Variants in AGPAT3 observed in about 807,000 individuals in gnomAD.
AGPAT3 encodes the protein 1-acyl-sn-glycerol-3-phosphate acyltransferase gamma.
AGPAT3 carries 5 observed loss-of-function variants against 47.3 expected under a neutral mutation model. The observed-to-expected ratio is 0.11, with a 90% CI of 0.06 to 0.22. AGPAT3 has a LOEUF of 0.22. Among genes scored for constraint, AGPAT3 ranks in the 10% least tolerant of loss-of-function variants. The pLI is 1.00. For synonymous variants in AGPAT3, 212 were observed against 208.3 expected (o/e 1.02, Z -0.15); for missense variants, 315 against 493.0 (o/e 0.64, Z 3.42).
chr21:43,969,800 C>T (rs1427128980), intron 5 of AGPAT3, among the ~76,000 whole-genome samples: 1 of 152,062 alleles, frequency 6.6e-6, no homozygotes, highest in Non-Finnish European at 1.5e-5. Flanking sequence ...CAGATTTAAG[C>T]GATTCTCCTG....
chr21:43,891,541 G>A (rs2086102590), intron 1 of AGPAT3, among the ~76,000 whole-genome samples: 1 of 152,016 alleles, frequency 6.6e-6, no homozygotes, highest in African/African-American at 2.4e-5. Flanking sequence ...GCTGAGGAAG[G>A]AGAATGGCGT....
intron 3 of AGPAT3, chr21:43,966,744 A>G (rs1388903784): frequency 6.6e-6 from 1 of 152,084 alleles, no homozygotes; most frequent in Non-Finnish European, 1.5e-5. Flanking sequence ...ACTGGTATAA[A>G]AGAACCCCGG....
rs557115218 is a variant in AGPAT3, at chr21:43,954,262, C to A, written c.-48-5372C>A. On this transcript the variant is annotated intron_variant, in intron 2 of 9. Transcript: ENST00000291572. The surrounding 1 kb of genome is among the most constrained non-coding windows in gnomAD (Gnocchi z 4.0). ...GGAGGGAGGTGGCCTCTGCCTGCTGCCATTGGAGGTTTGTGCAGTCAGGTT... is the reference window on the plus strand; with the variant it reads ...GGAGGGAGGTGGCCTCTGCCTGCTGACATTGGAGGTTTGTGCAGTCAGGTT... Among the ~76,000 whole-genome samples the A allele has an allele frequency of 3.7e-4, 56 of 152,294 alleles. No homozygotes were observed. Among genetic ancestry groups the A allele is most frequent in the African/African-American group, 1.3e-3 (54 of 41,566 alleles).
chr21:43,876,346 C>G (rs1407862586), intron 1 of AGPAT3, among the ~76,000 whole-genome samples: 2 of 152,188 alleles, frequency 1.3e-5, no homozygotes, highest in East Asian at 3.8e-4. Context: ...ACCTCTTGCT[C>G]CCTGATCCTT....
intron 2 of AGPAT3, among the ~76,000 whole-genome samples, chr21:43,950,142 A>G (rs1467243395): frequency 6.6e-6 from 1 of 152,178 alleles, no homozygotes; most frequent in African/African-American, 2.4e-5. Context: ...GCAAGAGATA[A>G]ACTCTGTGAT....
In AGPAT3 at chr21:43,930,056, C is replaced by T. The variant is rs186892282; in HGVS notation, c.-49+26037C>T. On this transcript the variant is annotated intron_variant, in intron 2 of 9. Transcript: ENST00000291572. This position sits in a 1 kb window ranked among gnomAD's most constrained non-coding sequence, Gnocchi z 5.0. Reference sequence around the variant, plus strand: ...TGGAACCCAGGGTGCCTTGTCCTGGCACTTCTGTGTACATCATCCAGCCCC... The same window carrying T: ...TGGAACCCAGGGTGCCTTGTCCTGGTACTTCTGTGTACATCATCCAGCCCC... Among the ~76,000 whole-genome samples the T allele has an allele frequency of 6.6e-6, 1 of 152,350 alleles. No individual in the cohort carries two copies. The highest frequency in any genetic ancestry group is 1.5e-5 in the Non-Finnish European group (1 of 68,036).
chr21:43,961,763 CAT>C (rs2088875583), intron 3 of AGPAT3, among the ~76,000 whole-genome samples: 1 of 152,034 alleles, frequency 6.6e-6, no homozygotes, highest in Non-Finnish European at 1.5e-5. Context: ...CACTTTGTCT[CAT>C]GTAGGAAATG....
intron 1 of AGPAT3, among the ~76,000 whole-genome samples, chr21:43,897,655 C>T (rs1204910553): frequency 2.0e-5 from 3 of 151,348 alleles, no homozygotes; most frequent in Non-Finnish European, 3.0e-5. Context: ...CCTCACATCC[C>T]AGACGGGGCG....
intron 1 of AGPAT3, among the ~76,000 whole-genome samples, chr21:43,894,444 AT>A (rs1272383307): frequency 6.6e-6 from 1 of 151,442 alleles, no homozygotes; most frequent in Non-Finnish European, 1.5e-5. Flanking sequence ...CACCCACTAT[AT>A]GACTCACCCA....
At chr21:43,903,422 G>A (rs2086402762) in intron 1 of AGPAT3, among the ~76,000 whole-genome samples, 1 of 152,220 alleles carries the variant, frequency 6.6e-6, no homozygotes, top group Non-Finnish European at 1.5e-5. Flanking sequence ...TCACCACAAT[G>A]TAACACAAAT....
rs1370288698 is a variant in AGPAT3 at position 43,981,580 on chromosome 21, C to A, written c.1042+393C>A. 6.6e-6 allele frequency among the ~76,000 whole-genome samples: 1 copy of A among 152,096 alleles called. No homozygotes were observed. Among genetic ancestry groups the A allele is most frequent in the Non-Finnish European group, 1.5e-5 (1 of 68,006 alleles). ...CATCATTCAGCTCCTCCCCATTGACCCCCAGTGACTTCCCCACTGTGTGCC... is the reference window on the plus strand; with the variant it reads ...CATCATTCAGCTCCTCCCCATTGACACCCAGTGACTTCCCCACTGTGTGCC... On this transcript the variant is annotated intron_variant, in intron 9 of 9. Transcript: ENST00000291572. The surrounding 1 kb of genome is among the most constrained non-coding windows in gnomAD (Gnocchi z 5.3).
In AGPAT3 at chr21:43,923,506, C is replaced by T. The variant is rs146318436; in HGVS notation, c.-49+19487C>T. 3.1e-3 allele frequency among the ~76,000 whole-genome samples: 472 copies of T among 152,320 alleles called. 3 individuals carry two copies. Among genetic ancestry groups the T allele is most frequent in the African/African-American group, 0.011 (449 of 41,566 alleles). On this transcript the variant is annotated intron_variant, in intron 2 of 9. Transcript: ENST00000291572. ...CCTCCAATTCCATTGAGTTCTGACGCGTCAGATCCCCCAGGGCCAGGGCCC... is the reference window on the plus strand; with the variant it reads ...CCTCCAATTCCATTGAGTTCTGACGTGTCAGATCCCCCAGGGCCAGGGCCC...
chr21:43,931,582 C>T (rs1049354117), intron 2 of AGPAT3, among the ~76,000 whole-genome samples: 7 of 152,064 alleles, frequency 4.6e-5, no homozygotes, highest in Admixed American at 2.0e-4. Flanking sequence ...AGGTAAAAAC[C>T]GAAGAGCGAC....
chr21:43,899,587 AG>A (rs991021279), intron 1 of AGPAT3, among the ~76,000 whole-genome samples: 25 of 152,192 alleles, frequency 1.6e-4, no homozygotes, highest in African/African-American at 5.3e-4. Context: ...GACAGGGAGG[AG>A]GGAGCCCTGC....
intron 2 of AGPAT3, among the ~76,000 whole-genome samples, chr21:43,935,025 C>T (rs969372701): frequency 5.9e-5 from 9 of 151,744 alleles, no homozygotes; most frequent in African/African-American, 9.7e-5. Flanking sequence ...ACCCATGTGC[C>T]GTCCACCACC....
chr21:43,910,053 A>T (rs1322401866), intron 2 of AGPAT3, among the ~76,000 whole-genome samples: 1 of 152,180 alleles, frequency 6.6e-6, no homozygotes, highest in Non-Finnish European at 1.5e-5. Context: ...TTTCCGGGTT[A>T]AAACCCACAG....
rs541524604 is a variant in AGPAT3 at position 43,931,423 on chromosome 21, C to G, written c.-49+27404C>G. 2.7e-4 allele frequency among the ~76,000 whole-genome samples: 41 copies of G among 152,342 alleles called. 1 individual carries two copies. In the South Asian group the frequency reaches 7.2e-3, roughly 27 times the overall value. On this transcript the variant is annotated intron_variant, in intron 2 of 9. Transcript: ENST00000291572. ...GCCTCCAGGAAATTGAATCAACATA[C>G]TCGGTTCTTCTCTTTTAATATTTTT...
rs563820223 is a variant in AGPAT3 at position 43,908,582 on chromosome 21, C to T, written c.-49+4563C>T. 5.3e-5 allele frequency among the ~76,000 whole-genome samples: 8 copies of T among 152,198 alleles called. No individual in the cohort carries two copies. The highest frequency in any genetic ancestry group is 4.1e-4 in the South Asian group (2 of 4,820). On this transcript the variant is annotated intron_variant, in intron 2 of 9. Coordinates refer to ENST00000291572, the MANE Select transcript of AGPAT3 (RefSeq NM_020132.5). The surrounding 1 kb of genome is among the most constrained non-coding windows in gnomAD (Gnocchi z 4.9). ...GGGCATGGGGTAGGGGGAGTGGAGC[C>T]GTGGGTGCGGCACTAGAAGGATGAG...
intron 1 of AGPAT3, among the ~76,000 whole-genome samples, chr21:43,896,038 G>A (rs2086208699): frequency 6.6e-6 from 1 of 152,226 alleles, no homozygotes; most frequent in Non-Finnish European, 1.5e-5. Flanking sequence ...AGAGTGCCGA[G>A]ATTACAGGCA....
Sources: gnomAD v4.1 joint callset for allele counts (sites outside exome capture counted in the v4.1 genomes callset) on GRCh38, gnomAD v4.1.1 for gene constraint, Gnocchi (gnomAD v3.1) non-coding constraint, MANE v1.5 for transcripts, NCBI Gene and HGNC (gene_info 2026-07-23, HGNC 2026-07-21) for gene names.